The following SUGCT variants were observed in gnomAD, a reference collection of about 807,000 sequenced individuals.
The protein encoded by SUGCT is succinyl-CoA:glutarate CoA-transferase.
A neutral mutation model predicts 55.0 loss-of-function variants in SUGCT; 41 were observed. That is an observed-to-expected ratio of 0.74 (90% confidence interval 0.58 to 0.97). The LOEUF (loss-of-function observed/expected upper bound fraction) is 0.97, where lower values mean the gene tolerates loss of function less well. SUGCT is among the 50% of genes least tolerant of loss of function. SUGCT has a pLI of 0.00. For missense variants in SUGCT, 568 were observed against 547.8 expected (o/e 1.04, Z -0.37); for synonymous variants, 187 against 200.4 (o/e 0.93, Z 0.56).
intron 8 of SUGCT, among the ~76,000 whole-genome samples, chr7:40,295,215 A>C (rs1194505019): frequency 6.6e-6 from 1 of 151,908 alleles, no homozygotes; most frequent in East Asian, 1.9e-4. Flanking sequence ...TTTTTTTTGC[A>C]TTTCCACTGC....
At chr7:40,335,165 A>T (rs1438581395) in intron 9 of SUGCT, among the ~76,000 whole-genome samples, 1 of 152,134 alleles carries the variant, frequency 6.6e-6, no homozygotes, top group African/African-American at 2.4e-5. Flanking sequence ...GCCTTGTAGT[A>T]TAGTTTGAAG....
At chr7:40,695,055 T>C (rs1475126796) in intron 12 of SUGCT, among the ~76,000 whole-genome samples, 1 of 152,170 alleles carries the variant, frequency 6.6e-6, no homozygotes, top group Non-Finnish European at 1.5e-5. Context: ...TGAGGGGTAT[T>C]ACAATTGCCA....
intron 12 of SUGCT, among the ~76,000 whole-genome samples, chr7:40,708,220 C>G (rs1785522437): frequency 6.6e-6 from 1 of 152,062 alleles, no homozygotes; most frequent in African/African-American, 2.4e-5. Context: ...GAAACACTTC[C>G]TGGGTACTCT....
intron 12 of SUGCT, among the ~76,000 whole-genome samples, chr7:40,657,741 G>A (rs186389690): frequency 2.0e-5 from 3 of 152,234 alleles, no homozygotes; most frequent in East Asian, 1.9e-4. Context: ...TCGCCATGTT[G>A]GCCACGCTGA....
chr7:40,454,407 A>G (rs1789359384), intron 10 of SUGCT, among the ~76,000 whole-genome samples: 1 of 152,204 alleles, frequency 6.6e-6, no homozygotes, highest in African/African-American at 2.4e-5. Context: ...GTCCTGAGAA[A>G]TGTGTCAGTT....
intron 12 of SUGCT, among the ~76,000 whole-genome samples, chr7:40,628,675 T>C (rs755194908): frequency 7.9e-5 from 12 of 152,176 alleles, no homozygotes; most frequent in Admixed American, 7.9e-4. Flanking sequence ...TGAAAGTGGA[T>C]AGCATTCAAC....
intron 1 of SUGCT, chr7:40,153,348 G>GACT: frequency 2.7e-6 from 1 of 363,846 alleles, no homozygotes; most frequent in South Asian, 2.6e-5. Context: ...CCTCAAATGA[G>GACT]ACTGGAAGAG....
intron 9 of SUGCT, among the ~76,000 whole-genome samples, chr7:40,368,642 A>C (rs940911202): frequency 6.6e-6 from 1 of 152,194 alleles, no homozygotes; most frequent in Non-Finnish European, 1.5e-5. Flanking sequence ...CCTAGGTCTG[A>C]AACTAGTTTT....
At chr7:40,972,242 ATTAAC>A in the SUGCT span, among the ~76,000 whole-genome samples, 1 of 152,228 alleles carries the variant, frequency 6.6e-6, no homozygotes. Flanking sequence ...ATGTACCACA[ATTAAC>A]TTAACCAATT....
At chr7:40,256,744 T>G (rs1256646580) in intron 7 of SUGCT, among the ~76,000 whole-genome samples, 1 of 152,154 alleles carries the variant, frequency 6.6e-6, no homozygotes, top group Non-Finnish European at 1.5e-5. Flanking sequence ...TTTATTTTTA[T>G]TTTTTACTTT....
chr7:40,826,795 A>C (rs1792334811), intron 13 of SUGCT, among the ~76,000 whole-genome samples: 1 of 152,202 alleles, frequency 6.6e-6, no homozygotes, highest in African/African-American at 2.4e-5. Flanking sequence ...CACTGTTAAA[A>C]CAAGTGCATT....
chr7:40,422,171 C>T (rs1787345345), intron 9 of SUGCT, among the ~76,000 whole-genome samples: 1 of 146,068 alleles, frequency 6.8e-6, no homozygotes, highest in African/African-American at 2.6e-5. Flanking sequence ...GTAATATAAG[C>T]TAACTGCAAT....
rs922088327 is a variant in SUGCT at position 40,571,314 on chromosome 7, G to C, written c.1089+74928G>C. ...AAAAATTAAAGTTTTGAGAATTACT[G>C]TATAAATGAAATTAATATTTGATTA... is the stretch of plus-strand genomic sequence containing the variant. On this transcript the variant is annotated intron_variant, in intron 12 of 13. Coordinates refer to ENST00000335693, the MANE Select transcript of SUGCT (RefSeq NM_001193313.2). Among the ~76,000 whole-genome samples, 7 of 152,250 alleles carry C rather than the reference G, an allele frequency of 4.6e-5. No homozygotes were observed. The East Asian group carries it at 1.4e-3, about 29-fold the overall frequency.
chr7:40,498,469 C>G (rs1413353629), intron 12 of SUGCT, among the ~76,000 whole-genome samples: 3 of 152,144 alleles, frequency 2.0e-5, no homozygotes, highest in African/African-American at 7.2e-5. Context: ...TCCCCCCTCC[C>G]CTTTTTAAAA....
At chr7:40,799,070 A>G (rs1417661266) in intron 13 of SUGCT, among the ~76,000 whole-genome samples, 3 of 152,122 alleles carry the variant, frequency 2.0e-5, no homozygotes, top group Admixed American at 2.0e-4. Flanking sequence ...TGAGCAAAGG[A>G]ACTCTTATGA....
intron 9 of SUGCT, among the ~76,000 whole-genome samples, chr7:40,337,486 C>A (rs1421799860): frequency 1.3e-5 from 2 of 152,076 alleles, no homozygotes; most frequent in Non-Finnish European, 2.9e-5. Flanking sequence ...TGAATTGATC[C>A]CTTTACAATT....
the SUGCT span, among the ~76,000 whole-genome samples, chr7:40,921,943 G>A: frequency 2.0e-5 from 3 of 152,194 alleles, no homozygotes; most frequent in Non-Finnish European, 1.5e-5. Flanking sequence ...CCCTGGAGAA[G>A]TTGCATATAT....
chr7:40,319,040 AT>A (rs1208330289), intron 9 of SUGCT, among the ~76,000 whole-genome samples: 3 of 151,612 alleles, frequency 2.0e-5, no homozygotes, highest in Admixed American at 6.6e-5. Flanking sequence ...AAGACATAGG[AT>A]TTTTTTTCTC....
chr7:40,367,893 C>T (rs774892291), intron 9 of SUGCT, among the ~76,000 whole-genome samples: 25 of 152,298 alleles, frequency 1.6e-4, no homozygotes, highest in African/African-American at 2.4e-4. Context: ...CATCTGTCCT[C>T]ACAGCCTCTC....
Sources: allele counts gnomAD v4.1 joint callset (sites outside exome capture counted in the v4.1 genomes callset), GRCh38; gene constraint gnomAD v4.1.1; transcripts MANE v1.5; gene names NCBI Gene and HGNC (gene_info 2026-07-23, HGNC 2026-07-21).